The following NCKAP5 variants were observed in gnomAD, a reference collection of about 807,000 sequenced individuals.
The protein encoded by NCKAP5 is nck-associated protein 5.
A neutral mutation model predicts 167.0 loss-of-function variants in NCKAP5; 92 were observed. The observed-to-expected ratio is 0.55, with a 90% CI of 0.47 to 0.66. The LOEUF (loss-of-function observed/expected upper bound fraction) is 0.66, where lower values mean the gene tolerates loss of function less well. NCKAP5 is among the 30% of genes least tolerant of loss of function. The pLI, the probability that NCKAP5 is intolerant of heterozygous loss-of-function variation, is 0.00. For missense variants in NCKAP5, 2,378 were observed against 2,315.0 expected (o/e 1.03, Z -0.56); for synonymous variants, 891 against 877.4 (o/e 1.02, Z -0.27).
At chr2:132,877,719 T>C (rs989181359) in intron 9 of NCKAP5, among the ~76,000 whole-genome samples, 1 of 152,158 alleles carries the variant, frequency 6.6e-6, no homozygotes, top group Non-Finnish European at 1.5e-5. Flanking sequence ...GAGCTGAGCA[T>C]GTGTTCCTTA....
chr2:133,001,150 G>T (rs2077763467), intron 6 of NCKAP5, among the ~76,000 whole-genome samples: 1 of 151,310 alleles, frequency 6.6e-6, no homozygotes, highest in Non-Finnish European at 1.5e-5. Flanking sequence ...AAAGAGAACT[G>T]TAAACACATA....
intron 6 of NCKAP5, among the ~76,000 whole-genome samples, chr2:133,080,902 C>G (rs535529599): frequency 1.3e-5 from 2 of 152,040 alleles, no homozygotes; most frequent in African/African-American, 4.8e-5. Flanking sequence ...CACTGAGACA[C>G]AGAACTTGAA....
At chr2:133,017,661 C>T (rs1016089320) in intron 6 of NCKAP5, among the ~76,000 whole-genome samples, 7 of 151,934 alleles carry the variant, frequency 4.6e-5, no homozygotes, top group African/African-American at 1.7e-4. Context: ...CTAGACTGTA[C>T]ATTCATTCAA....
At chr2:132,996,017 C>A (rs2077589009) in intron 6 of NCKAP5, among the ~76,000 whole-genome samples, 1 of 152,110 alleles carries the variant, frequency 6.6e-6, no homozygotes, top group Admixed American at 6.6e-5. Flanking sequence ...AAAACTAAGG[C>A]ACAAACAAAC....
chr2:133,413,697 G>T (rs1688921725), intron 3 of NCKAP5, among the ~76,000 whole-genome samples: 1 of 152,106 alleles, frequency 6.6e-6, no homozygotes, highest in Non-Finnish European at 1.5e-5. Context: ...GAAGTTGGAA[G>T]ATCCGGCAAC....
At chr2:133,309,726 C>T (rs1321435311) in intron 3 of NCKAP5, among the ~76,000 whole-genome samples, 1 of 152,108 alleles carries the variant, frequency 6.6e-6, no homozygotes, top group East Asian at 1.9e-4. Context: ...GTAGCATAAG[C>T]CCATTTAATG....
chr2:133,154,364 C>T (rs1474896023), intron 5 of NCKAP5, among the ~76,000 whole-genome samples: 1 of 152,156 alleles, frequency 6.6e-6, no homozygotes, highest in African/African-American at 2.4e-5. Flanking sequence ...GTCTTAAAGC[C>T]ACCTCTGGTG....
chr2:133,447,229 G>T (rs547962361), intron 3 of NCKAP5, among the ~76,000 whole-genome samples: 1 of 152,020 alleles, frequency 6.6e-6, no homozygotes, highest in Admixed American at 6.6e-5. Flanking sequence ...ACCCTAGAGG[G>T]GCTCAATATT....
chr2:133,635,271 C>T, the NCKAP5 span, among the ~76,000 whole-genome samples: 7 of 152,164 alleles, frequency 4.6e-5, no homozygotes, highest in Admixed American at 2.6e-4. Context: ...TGTAATCATG[C>T]AGTCTATTAG....
In NCKAP5 at chr2:132,920,678, T is replaced by A. The variant is rs1371292182; in HGVS notation, c.580-41762A>T. Among the ~76,000 whole-genome samples, 55 of 115,460 alleles carry A rather than the reference T, an allele frequency of 4.8e-4. 2 individuals carry two copies. The East Asian group carries it at 0.014, about 30-fold the overall frequency. 75.7% of individuals were successfully genotyped at this position (115,460 alleles called of 152,430 possible). A position where few individuals can be genotyped will look rare whatever the true frequency, so the allele number is the denominator to read the frequency against. On this transcript the variant is annotated intron_variant, in intron 8 of 19. Transcript: ENST00000409261. ...AAGAACTTATATATATATATATATA[T>A]AAGTTAGTTTATATATATATATACG... is the stretch of plus-strand genomic sequence containing the variant.
rs367660454 is a variant in NCKAP5, at chr2:132,710,188, A to T, written c.5713+15439T>A. Among the ~76,000 whole-genome samples the T allele has an allele frequency of 7.2e-5, 11 of 152,306 alleles. No homozygotes were observed. In the East Asian group the frequency reaches 2.1e-3, roughly 29 times the overall value. On this transcript the variant is annotated intron_variant, in intron 19 of 19. Transcript: ENST00000409261. ...CAACATGACTACGTGATTCTAAAAA[A>T]ACCCTTCTTAGTTAAGGAGGCTTAA...
intron 7 of NCKAP5, among the ~76,000 whole-genome samples, chr2:132,977,806 G>C (rs1020970440): frequency 6.6e-6 from 1 of 151,280 alleles, no homozygotes; most frequent in Non-Finnish European, 1.5e-5. Flanking sequence ...CATAGGGTAG[G>C]GCTGAATTGC....
chr2:132,925,598 A>G (rs1294445146), intron 8 of NCKAP5, among the ~76,000 whole-genome samples: 1 of 147,810 alleles, frequency 6.8e-6, no homozygotes, highest in East Asian at 2.0e-4. Context: ...TAATGCTGCC[A>G]CTTATCTGAC....
intron 19 of NCKAP5, among the ~76,000 whole-genome samples, chr2:132,677,108 C>T (rs371154388): frequency 6.6e-6 from 1 of 152,062 alleles, no homozygotes; most frequent in African/African-American, 2.4e-5. Flanking sequence ...CATAAAACAT[C>T]GCCAATTCCT....
intron 6 of NCKAP5, among the ~76,000 whole-genome samples, chr2:133,032,283 C>T (rs538252578): frequency 6.6e-6 from 1 of 152,276 alleles, no homozygotes; most frequent in East Asian, 1.9e-4. Flanking sequence ...AGAAGTTGAC[C>T]TAAGAAACCT....
At chr2:133,508,572 G>A (rs149777827) in intron 3 of NCKAP5, among the ~76,000 whole-genome samples, 1 of 152,208 alleles carries the variant, frequency 6.6e-6, no homozygotes, top group Non-Finnish European at 1.5e-5. Context: ...CGAAAAAGAA[G>A]AGCAGGCTCT....
At position 132,864,274 on chromosome 2, in the gene NCKAP5, A is replaced by G. The variant is rs1690166125; in HGVS notation, c.688-3663T>C. On this transcript the variant is annotated intron_variant, in intron 10 of 19. Coordinates refer to ENST00000409261, the MANE Select transcript of NCKAP5 (RefSeq NM_207363.3). ...ACTGAAAATATAAGATTGTGTCTTCAGATAAGAAAATGGGGACATAACATA... is the reference window on the plus strand; with the variant it reads ...ACTGAAAATATAAGATTGTGTCTTCGGATAAGAAAATGGGGACATAACATA... Among the ~76,000 whole-genome samples, 3 of 152,214 alleles carry G rather than the reference A, an allele frequency of 2.0e-5. No homozygotes were observed. In the South Asian group the frequency reaches 6.2e-4, roughly 32 times the overall value.
chr2:132,700,238 G>A (rs1008512562), intron 19 of NCKAP5, among the ~76,000 whole-genome samples: 33 of 149,208 alleles, frequency 2.2e-4, no homozygotes, highest in Admixed American at 1.3e-4. Context: ...TTTGTCAGAT[G>A]GGTAGATTAC....
intron 2 of NCKAP5, among the ~76,000 whole-genome samples, chr2:133,531,754 C>T (rs1387710563): frequency 1.3e-5 from 2 of 152,096 alleles, no homozygotes; most frequent in African/African-American, 4.8e-5. Context: ...TCTTGAATCT[C>T]TATAGTGCTT....
Sources: allele counts gnomAD v4.1 joint callset (sites outside exome capture counted in the v4.1 genomes callset), GRCh38; gene constraint gnomAD v4.1.1; transcripts MANE v1.5; gene names NCBI Gene and HGNC (gene_info 2026-07-23, HGNC 2026-07-21).